Variants in DGKI observed in about 807,000 individuals in gnomAD.
DGKI encodes diacylglycerol kinase iota.
In DGKI, 55 loss-of-function variants were observed where a neutral mutation model predicts 147.5. That is an observed-to-expected ratio of 0.37 (90% CI 0.30 to 0.47). The LOEUF (loss-of-function observed/expected upper bound fraction) is 0.47. Among genes scored for constraint, DGKI ranks in the 20% least tolerant of loss-of-function variants. The pLI, the probability that DGKI is intolerant of heterozygous loss-of-function variation, is 1.00. For synonymous variants in DGKI, 469 were observed against 477.1 expected, an observed-to-expected ratio of 0.98 and a Z score of 0.22; for missense variants, 1,007 against 1,323.8, an observed-to-expected ratio of 0.76 and a Z score of 3.71.
chr7:137,770,534 GT>G lies in DGKI; in HGVS notation c.401+75927del, dbSNP rs1396125188. On this transcript the variant is annotated intron_variant, in intron 1 of 32. Transcript: ENST00000614521. ...AAAATCAATAAATTATACTCAGTGG[GT>G]TTTTTTTTTTTTTTTTGAGACGGAG... Among the ~76,000 whole-genome samples the G allele has an allele frequency of 7.1e-4, 72 of 101,410 alleles. 6 individuals carry two copies. The highest frequency in any genetic ancestry group is 5.2e-3 in the Middle Eastern group (1 of 194). 66.5% of individuals were successfully genotyped at this position (101,410 alleles called of 152,430 possible). A position where few individuals can be genotyped will look rare whatever the true frequency, so the allele number is the denominator to read the frequency against.
At chr7:137,636,562 G>A (rs1479536613) in intron 6 of DGKI, among the ~76,000 whole-genome samples, 1 of 152,112 alleles carries the variant, frequency 6.6e-6, no homozygotes, top group Non-Finnish European at 1.5e-5. Flanking sequence ...CCTCAGTTGA[G>A]AAGAGTCTTG....
intron 1 of DGKI, among the ~76,000 whole-genome samples, chr7:137,767,253 T>G (rs868453338): frequency 2.6e-5 from 4 of 151,958 alleles, no homozygotes; most frequent in African/African-American, 9.7e-5. Context: ...AAGAAAGAAC[T>G]GAAAAATAAA....
chr7:137,768,218 T>C (rs1796076944), intron 1 of DGKI, among the ~76,000 whole-genome samples: 1 of 152,084 alleles, frequency 6.6e-6, no homozygotes, highest in South Asian at 2.1e-4. Flanking sequence ...AAAATTACTT[T>C]TGCACCAACC....
intron 1 of DGKI, among the ~76,000 whole-genome samples, chr7:137,744,405 G>T (rs7811169): frequency 0.33 from 50,384 of 151,626 alleles, 8,743 homozygotes; most frequent in African/African-American, 0.44. Context: ...AAAAAATATA[G>T]ACATATACCA....
At chr7:137,485,261 T>A (rs1424539976) in intron 23 of DGKI, 113 bp downstream of exon 23, 11 of 832,334 alleles carry the variant, frequency 1.3e-5, no homozygotes, top group Non-Finnish European at 2.1e-5. Context: ...ATTCTTAGAA[T>A]GAACTCTATC....
chr7:137,485,619 G>C (rs569150534), intron 22 of DGKI, among the ~76,000 whole-genome samples: 1 of 152,032 alleles, frequency 6.6e-6, no homozygotes, highest in South Asian at 2.1e-4. Flanking sequence ...CTGAGAGAAG[G>C]TCATTAAGCT....
intron 28 of DGKI, among the ~76,000 whole-genome samples, chr7:137,424,764 G>A (rs184351224): frequency 3.4e-4 from 52 of 152,306 alleles, no homozygotes; most frequent in Non-Finnish European, 5.6e-4. Flanking sequence ...AGGGTCCTAC[G>A]CCCACGGAAT....
chr7:137,583,604 C>A (rs1819281825), intron 14 of DGKI, among the ~76,000 whole-genome samples: 1 of 152,128 alleles, frequency 6.6e-6, no homozygotes, highest in African/African-American at 2.4e-5. Flanking sequence ...TTTAAATAAA[C>A]CCTTTAATTA....
intron 1 of DGKI, among the ~76,000 whole-genome samples, chr7:137,795,478 C>T (rs1359527718): frequency 2.0e-5 from 3 of 152,118 alleles, no homozygotes; most frequent in Admixed American, 6.5e-5. Flanking sequence ...ATCCCTGTAC[C>T]CAGGGGATTT....
intron 1 of DGKI, among the ~76,000 whole-genome samples, chr7:137,829,988 A>G (rs920589986): frequency 3.3e-5 from 5 of 152,094 alleles, no homozygotes; most frequent in Non-Finnish European, 7.4e-5. Context: ...AATGAGAGAG[A>G]GAGGGAAGGA....
rs386411451 is a variant in DGKI, at chr7:137,630,983, G to GT, written c.805-7430_805-7429insA. On this transcript the variant is annotated intron_variant, in intron 6 of 32. Coordinates refer to ENST00000614521, the MANE Select transcript of DGKI (RefSeq NM_001321708.2). The stretch of plus-strand genomic sequence containing the variant: ...TAATGCTAATAATATTCACAAAGCA[G>GT]GGTTTTTTTTGAAAAAAAGACTAGT... Among the ~76,000 whole-genome samples, 42 of 148,950 alleles carry GT rather than the reference G, an allele frequency of 2.8e-4. 1 individual carries two copies. In the South Asian group the frequency reaches 6.5e-3, roughly 23 times the overall value.
At chr7:137,828,692 A>G (rs1798133038) in intron 1 of DGKI, among the ~76,000 whole-genome samples, 1 of 152,216 alleles carries the variant, frequency 6.6e-6, no homozygotes, top group African/African-American at 2.4e-5. Context: ...GAATCCACAC[A>G]AACACACACA....
Position 137,597,925 on chromosome 7 carries a change from G to GA in DGKI, c.1251-19dup. On this transcript the variant is annotated intron_variant, in intron 11 of 32. Transcript: ENST00000614521. The stretch of plus-strand genomic sequence containing the variant: ...ATTCAAGCCTGTAGAGGAAATAGAA[G>GA]AAAAAGTAAACAAAAGAACATTTCA... 6.2e-7 allele frequency: 1 copy of GA among 1,610,388 alleles called. No individual in the cohort carries two copies. Among genetic ancestry groups the GA allele is most frequent in the Non-Finnish European group, 8.5e-7 (1 of 1,177,656 alleles).
At chr7:137,835,891 G>A (rs1228931095) in intron 1 of DGKI, among the ~76,000 whole-genome samples, 1 of 152,180 alleles carries the variant, frequency 6.6e-6, no homozygotes, top group Non-Finnish European at 1.5e-5. Context: ...GCCTGAACCT[G>A]GCAATGTCCC....
intron 23 of DGKI, among the ~76,000 whole-genome samples, chr7:137,471,224 G>C (rs1176323569): frequency 1.3e-5 from 2 of 152,088 alleles, no homozygotes; most frequent in South Asian, 2.1e-4. Context: ...TCTCTGTGGG[G>C]AAGACACTGG....
chr7:137,523,488 G>A (rs1448974840), intron 20 of DGKI, among the ~76,000 whole-genome samples: 1 of 151,826 alleles, frequency 6.6e-6, no homozygotes, highest in African/African-American at 2.4e-5. Context: ...TTTAAACTGT[G>A]GCTATTTAAA....
intron 28 of DGKI, among the ~76,000 whole-genome samples, chr7:137,414,152 T>C (rs1415049209): frequency 2.0e-5 from 3 of 152,164 alleles, no homozygotes; most frequent in Admixed American, 6.5e-5. Context: ...AGCTTTTATA[T>C]TGAGTATGTA....
intron 1 of DGKI, chr7:137,772,054 T>A (rs375015207): frequency 6.6e-6 from 1 of 152,192 alleles, no homozygotes; most frequent in South Asian, 2.1e-4. Context: ...AAAATAAAAA[T>A]CATGACTGGT....
At chr7:137,536,108 AT>A (rs1167793253) in intron 20 of DGKI, among the ~76,000 whole-genome samples, 6 of 152,204 alleles carry the variant, frequency 3.9e-5, no homozygotes, top group Non-Finnish European at 7.3e-5. Context: ...TTGGATTAAA[AT>A]ATATAAATAA....
Sources: allele counts gnomAD v4.1 joint callset (sites outside exome capture counted in the v4.1 genomes callset), GRCh38; gene constraint gnomAD v4.1.1; transcripts MANE v1.5; gene names NCBI Gene and HGNC (gene_info 2026-07-23, HGNC 2026-07-21).